ELP6: variants seen among roughly 807,000 people sequenced by gnomAD.
The protein encoded by ELP6 is elongator complex protein 6.
In ELP6, 23 loss-of-function variants were observed where a neutral mutation model predicts 28.1. The ratio of observed to expected loss-of-function variants is 0.82; its 90% CI spans 0.59 to 1.16. The LOEUF (loss-of-function observed/expected upper bound fraction) is 1.16. ELP6 is among the 50% of genes most tolerant of loss of function. The pLI, the probability that ELP6 is intolerant of heterozygous loss-of-function variation, is 0.00. For missense variants in ELP6, 313 were observed against 334.6 expected (o/e 0.94, Z 0.50); for synonymous variants, 132 against 135.8 (o/e 0.97, Z 0.19).
At chr3:47,512,598 G>C (rs544182040) in intron 1 of ELP6, 3 of 984,904 alleles carry the variant, frequency 3.0e-6, no homozygotes, top group Non-Finnish European at 3.6e-6. Context: ...CCTGAAAGAG[G>C]TTACTCCTAC....
chr3:47,496,155 G>A lies in ELP6; in HGVS notation c.715C>T (p.Arg239Trp), dbSNP rs780912057. Reference sequence around the variant, plus strand: ...TACTGGTAAGTGAAGCTCTGATCCCGGTGGACTGCGGGCTGCGATGGTCTC... The same window carrying A: ...TACTGGTAAGTGAAGCTCTGATCCCAGTGGACTGCGGGCTGCGATGGTCTC... The part of the protein sequence containing the change: ...WRRPSQPAVH[R>W]DQSFTYQYKI... The change falls in exon 7 of 7, where the codon CGG (arginine) becomes TGG (tryptophan). Residue 239 changes from arginine (R) to tryptophan (W), a missense_variant. Physicochemically the swap from Arg to Trp is moderately radical, Grantham distance 101. Transcript: ENST00000296149. 23 of 1,614,082 alleles carry A rather than the reference G, an allele frequency of 1.4e-5. No individual in the cohort carries two copies. Among genetic ancestry groups the A allele is most frequent in the African/African-American group, 2.7e-5 (2 of 75,022 alleles).
At chr3:47,496,862 A>G (rs1156510782) in intron 6 of ELP6, 1 of 985,218 alleles carries the variant, frequency 1.0e-6, no homozygotes, top group Non-Finnish European at 1.2e-6. Context: ...TCACATTAGA[A>G]TTTGTACATT....
chr3:47,507,792 C>A lies in ELP6; in HGVS notation c.204+2392G>T, dbSNP rs559414556. Among the ~76,000 whole-genome samples the A allele has an allele frequency of 4.6e-5, 7 of 152,290 alleles. No individual in the cohort carries two copies. The South Asian group carries it at 1.4e-3, about 32-fold the overall frequency. On this transcript the variant is annotated intron_variant, in intron 3 of 6. Coordinates refer to ENST00000296149, the MANE Select transcript of ELP6 (RefSeq NM_001031703.3). ...GCTGCAGCTGACAGGGAAAAAGACT[C>A]CTGATCATCACCCTTGCTCTTGCTC...
chr3:47,512,536 G>A (rs1480740219), intron 1 of ELP6: 1 of 914,310 alleles, frequency 1.1e-6, no homozygotes, highest in Non-Finnish European at 1.3e-6. Context: ...AGGCGAGGGA[G>A]CGAGACTCCA....
chr3:47,511,080 A>G, intron 2 of ELP6, 68 bp downstream of exon 2: 1 of 1,332,792 alleles, frequency 7.5e-7, no homozygotes, highest in Non-Finnish European at 1.1e-6. Flanking sequence ...TTCCTTAAAT[A>G]GTTTTGGTTT....
chr3:47,513,225 T>C, intron 1 of ELP6: 1 of 1,216,974 alleles, frequency 8.2e-7, no homozygotes, highest in Non-Finnish European at 1.0e-6. Context: ...CTCTTGACCT[T>C]AGATGATGCA....
chr3:47,498,422 A>C lies in ELP6; in HGVS notation c.536T>G (p.Val179Gly). ...TVCWELKGNM[V>G]VLVHDSGDAE... The stretch of plus-strand genomic sequence containing the variant: ...ATCTCCACTGTCGTGCACAAGGACC[A>C]CCATGTTTCCCTGCATCAGATACAA... The change falls in exon 6 of 7, where the codon GTG (valine) becomes GGG (glycine). Residue 179 changes from valine to glycine, a missense_variant. By Grantham distance (109) the Val-to-Gly change is moderately radical. Coordinates refer to ENST00000296149, the MANE Select transcript of ELP6 (RefSeq NM_001031703.3). The C allele has an allele frequency of 6.2e-7, 1 of 1,612,554 alleles. No individual in the cohort carries two copies. The highest frequency in any genetic ancestry group is 1.1e-5 in the South Asian group (1 of 91,078).
chr3:47,503,227 GC>G, intron 4 of ELP6: 1 of 1,195,880 alleles, frequency 8.4e-7, no homozygotes, highest in Non-Finnish European at 1.1e-6. Flanking sequence ...AGGAAACATG[GC>G]CTCACACCCA....
intron 4 of ELP6, 99 bp downstream of exon 4, chr3:47,504,231 T>C (rs1352748812): frequency 1.4e-6 from 2 of 1,405,398 alleles, no homozygotes; most frequent in Non-Finnish European, 1.9e-6. Flanking sequence ...GCCAGTTCCA[T>C]CCTCCTGCAC....
chr3:47,499,850 A>G, intron 5 of ELP6: 1 of 1,207,066 alleles, frequency 8.3e-7, no homozygotes, highest in Non-Finnish European at 1.0e-6. Context: ...AGAACTCAGC[A>G]CCAAATAACT....
In ELP6 at chr3:47,513,710, G is replaced by C. The variant is rs1217869329; in HGVS notation, c.-120C>G. On this transcript the variant is annotated 5_prime_UTR_variant, in exon 1 of 7. Coordinates refer to ENST00000296149, the MANE Select transcript of ELP6 (RefSeq NM_001031703.3). ...GCGCAAGGAAGCGCGCATGCGCAAT[G>C]CCACTTTTGCGAGCCAGCCACAGCC... 2 of 1,292,732 alleles carry C rather than the reference G, an allele frequency of 1.5e-6. No homozygotes were observed. Among genetic ancestry groups the C allele is most frequent in the Non-Finnish European group, 1.1e-6 (1 of 926,966 alleles). The allele number at this position is 1,292,732 out of a possible 1,614,324, so 80.1% of individuals were successfully genotyped here.
chr3:47,505,626 C>A (rs1305292597), intron 3 of ELP6, among the ~76,000 whole-genome samples: 1 of 152,114 alleles, frequency 6.6e-6, no homozygotes, highest in Non-Finnish European at 1.5e-5. Context: ...GACTGGAGTG[C>A]AATGGTGCGA....
intron 3 of ELP6, among the ~76,000 whole-genome samples, chr3:47,508,270 G>A (rs1708905653): frequency 6.6e-6 from 1 of 152,156 alleles, no homozygotes; most frequent in Non-Finnish European, 1.5e-5. Context: ...TTGAGATGGA[G>A]TCTTGCTCTT....
In ELP6 at chr3:47,495,975, T is replaced by C; in HGVS notation, c.*94A>G. 6.3e-7 allele frequency: 1 copy of C among 1,597,342 alleles called. No individual in the cohort carries two copies. The highest frequency in any genetic ancestry group is 8.5e-7 in the Non-Finnish European group (1 of 1,173,308). ...GGAGTCGCCGGTCCAGCCTGAAATATTACTACAGAGGAGAAAGACCCATTC... is the reference window on the plus strand; with the variant it reads ...GGAGTCGCCGGTCCAGCCTGAAATACTACTACAGAGGAGAAAGACCCATTC... On this transcript the variant is annotated 3_prime_UTR_variant, in exon 7 of 7. Coordinates refer to ENST00000296149, the MANE Select transcript of ELP6 (RefSeq NM_001031703.3).
chr3:47,506,054 G>A (rs995086215), intron 3 of ELP6, among the ~76,000 whole-genome samples: 4 of 152,212 alleles, frequency 2.6e-5, no homozygotes, highest in Non-Finnish European at 2.9e-5. Context: ...GTACAAAAGA[G>A]AGAAATTTTA....
At chr3:47,503,202 G>A (rs1436920086) in intron 4 of ELP6, 1 of 1,177,076 alleles carries the variant, frequency 8.5e-7, no homozygotes, top group East Asian at 6.0e-5. Context: ...TGTGTGTGAA[G>A]TCACACACAG....
intron 2 of ELP6, 58 bp downstream of exon 2, chr3:47,511,090 T>C (rs376279998): frequency 6.7e-6 from 10 of 1,486,864 alleles, no homozygotes; most frequent in Admixed American, 1.8e-5. Flanking sequence ...AGTTTTGGTT[T>C]TTATTATTTC....
Position 47,513,534 on chromosome 3 carries a change from T to C in ELP6, c.54+3A>G, listed in dbSNP as rs2029986288. 1.2e-6 allele frequency: 2 copies of C among 1,612,430 alleles called. No individual in the cohort carries two copies. The highest frequency in any genetic ancestry group is 1.3e-5 in the African/African-American group (1 of 74,842). ...CCCCCTTCCGGCCAGCGGGACCTCT[T>C]ACCTGCTCCGCCCTGTCGGGGGTGG... On this transcript the variant is annotated splice_donor_region_variant and intron_variant, in intron 1 of 6. Transcript: ENST00000296149.
intron 6 of ELP6, chr3:47,496,556 C>T (rs1385262166): frequency 1.0e-5 from 9 of 887,986 alleles, no homozygotes; most frequent in Admixed American, 6.5e-5. Flanking sequence ...AGTGCAGTGG[C>T]GCAATCTTGG....
Sources: allele counts gnomAD v4.1 joint callset (sites outside exome capture counted in the v4.1 genomes callset), GRCh38; gene constraint gnomAD v4.1.1; transcripts MANE v1.5; gene names NCBI Gene and HGNC (gene_info 2026-07-23, HGNC 2026-07-21).